The following ZNF98 variants were observed in gnomAD, a reference collection of about 807,000 sequenced individuals.
The protein encoded by ZNF98 is zinc finger protein 98.
ZNF98 carries 8 observed loss-of-function variants against 12.8 expected under a neutral mutation model. The ratio of observed to expected loss-of-function variants is 0.63; its 90% CI spans 0.37 to 1.13. The LOEUF is 1.13. Ranked by LOEUF, ZNF98 falls within the 50% of genes most tolerant of loss-of-function variation. ZNF98 has a pLI of 0.01. For synonymous variants in ZNF98, 112 were observed against 223.5 expected (o/e 0.50, Z 4.45); for missense variants, 379 against 666.1 (o/e 0.57, Z 4.74).
At chr19:22,412,311 A>C (rs920701523) in intron 1 of ZNF98, among the ~76,000 whole-genome samples, 2 of 152,212 alleles carry the variant, frequency 1.3e-5, no homozygotes, top group Non-Finnish European at 2.9e-5. Flanking sequence ...AACAACCTGC[A>C]CTTGAATTAC....
At chr19:22,401,838 A>C (rs1157496735) in intron 3 of ZNF98, among the ~76,000 whole-genome samples, 1 of 151,882 alleles carries the variant, frequency 6.6e-6, no homozygotes, top group Non-Finnish European at 1.5e-5. Flanking sequence ...AGATTCAATA[A>C]ATTCCCTATC....
intron 3 of ZNF98, among the ~76,000 whole-genome samples, chr19:22,401,103 T>TAAA (rs201737545): frequency 0.018 from 1,872 of 104,572 alleles, 38 homozygotes; most frequent in African/African-American, 0.055. Flanking sequence ...GTGGAATAAG[T>TAAA]AAAAAAAAAA....
At chr19:22,400,101 A>T (rs1969439518) in intron 3 of ZNF98, among the ~76,000 whole-genome samples, 1 of 152,176 alleles carries the variant, frequency 6.6e-6, no homozygotes, top group African/African-American at 2.4e-5. Context: ...ACTTGGTCCC[A>T]CTGAGAATTC....
At position 22,405,269 on chromosome 19, in the gene ZNF98, T is replaced by TAAA. The variant is rs71180544; in HGVS notation, c.31-1760_31-1758dup. 4.6e-3 allele frequency among the ~76,000 whole-genome samples: 570 copies of TAAA among 123,562 alleles called. 5 individuals are homozygous for TAAA. Among genetic ancestry groups the TAAA allele is most frequent in the African/African-American group, 5.8e-3 (186 of 32,308 alleles). The allele number at this position is 123,562 out of a possible 152,430, so 81.1% of individuals were successfully genotyped here. On this transcript the variant is annotated intron_variant, in intron 1 of 3. Coordinates refer to ENST00000357774, the MANE Select transcript of ZNF98 (RefSeq NM_001098626.2). ...GCTCTTCATCTGAGACATGCTTAGC[T>TAAA]AAAAAAAAAAAAAAAAAAAATTAGG...
At chr19:22,414,739 A>G (rs930166979) in intron 1 of ZNF98, among the ~76,000 whole-genome samples, 54 of 152,318 alleles carry the variant, frequency 3.5e-4, no homozygotes, top group African/African-American at 1.3e-3. Flanking sequence ...TCAACTAAAG[A>G]TAAATTAAAT....
Position 22,406,185 on chromosome 19 carries a change from G to C in ZNF98, c.31-2673C>G, listed in dbSNP as rs567410431. Among the ~76,000 whole-genome samples, 4 of 152,166 alleles carry C rather than the reference G, an allele frequency of 2.6e-5. No individual in the cohort carries two copies. The South Asian group carries it at 8.3e-4, about 32-fold the overall frequency. On this transcript the variant is annotated intron_variant, in intron 1 of 3. Coordinates refer to ENST00000357774, the MANE Select transcript of ZNF98 (RefSeq NM_001098626.2). ...CCCAATGGGTGAAATACTCCAACTG[G>C]GGTTGTCAGACACTCTATACAGGAG...
intron 3 of ZNF98, among the ~76,000 whole-genome samples, chr19:22,394,325 C>T (rs1002314681): frequency 5.5e-5 from 8 of 145,736 alleles, no homozygotes; most frequent in Admixed American, 1.3e-4. Context: ...AGCCAGCCAT[C>T]CCATTACGGG....
chr19:22,403,774 C>T (rs1392188604), intron 1 of ZNF98, among the ~76,000 whole-genome samples: 1 of 152,336 alleles, frequency 6.6e-6, no homozygotes, highest in Non-Finnish European at 1.5e-5. Context: ...AGGGCATTAA[C>T]ACTAACATGT....
At chr19:22,422,149 A>G (rs779068680) in intron 1 of ZNF98, 46 bp downstream of exon 1, 1 of 1,611,740 alleles carries the variant, frequency 6.2e-7, no homozygotes, top group South Asian at 1.1e-5. Flanking sequence ...ACCGGTTCCA[A>G]CCAGCCCCTT....
rs369062088 is a variant in ZNF98 at position 22,403,270 on chromosome 19, AC to A, written c.157+115del. 5.7e-4 allele frequency: 675 copies of A among 1,189,792 alleles called. 4 individuals are homozygous for A. The highest frequency in any genetic ancestry group is 6.5e-4 in the South Asian group (40 of 61,398). 73.7% of individuals were successfully genotyped at this position (1,189,792 alleles called of 1,614,324 possible). On this transcript the variant is annotated intron_variant, in intron 2 of 3. Coordinates refer to ENST00000357774, the MANE Select transcript of ZNF98 (RefSeq NM_001098626.2). ...CAAATCTTGAAGTTAAAAAAAAAAA[AC>A]AAAAAAAAAAAACAGAGATCTGAAA...
intron 1 of ZNF98, among the ~76,000 whole-genome samples, chr19:22,406,746 G>A (rs370599364): frequency 6.6e-6 from 1 of 151,948 alleles, no homozygotes; most frequent in African/African-American, 2.4e-5. Flanking sequence ...GAACCTGGGA[G>A]GCAGAGCTTG....
Position 22,391,470 on chromosome 19 carries a change from T to C in ZNF98, c.*46A>G. ...CCAGAATGAATTACCTTACCTACAA[T>C]CCAGTGTGATAACCATTTAAAGGCT... On this transcript the variant is annotated 3_prime_UTR_variant, in exon 4 of 4. Coordinates refer to ENST00000357774, the MANE Select transcript of ZNF98 (RefSeq NM_001098626.2). 1 of 1,506,544 alleles carries C rather than the reference T, an allele frequency of 6.6e-7. No individual in the cohort carries two copies. The highest frequency in any genetic ancestry group is 8.9e-7 in the Non-Finnish European group (1 of 1,127,740). The allele number at this position is 1,506,544 out of a possible 1,614,324, so 93.3% of individuals were successfully genotyped here.
chr19:22,405,064 C>T (rs11672066), intron 1 of ZNF98, among the ~76,000 whole-genome samples: 1,730 of 151,934 alleles, frequency 0.011, 16 homozygotes, highest in Non-Finnish European at 0.017. Context: ...GTGTAAGAAG[C>T]CATGATGTTG....
intron 1 of ZNF98, among the ~76,000 whole-genome samples, chr19:22,409,138 C>T (rs150734857): frequency 8.3e-4 from 126 of 152,212 alleles, no homozygotes; most frequent in African/African-American, 3.0e-3. Context: ...TAACACCACA[C>T]ATCTACAACC....
chr19:22,416,386 C>T (rs1406422776), intron 1 of ZNF98, among the ~76,000 whole-genome samples: 3 of 151,936 alleles, frequency 2.0e-5, no homozygotes, highest in Non-Finnish European at 2.9e-5. Context: ...AGGAGAATGG[C>T]GTGAACCCGG....
At chr19:22,413,692 G>A (rs1339637061) in intron 1 of ZNF98, among the ~76,000 whole-genome samples, 1 of 151,474 alleles carries the variant, frequency 6.6e-6, no homozygotes, top group African/African-American at 2.4e-5. Context: ...ACAACATGGA[G>A]AAACCCCGTC....
At chr19:22,422,153 G>T in intron 1 of ZNF98, 42 bp downstream of exon 1, 1 of 1,612,050 alleles carries the variant, frequency 6.2e-7, no homozygotes, top group Non-Finnish European at 8.5e-7. Flanking sequence ...GTTCCAACCA[G>T]CCCCTTCTCC....
chr19:22,411,736 C>T (rs1969583125), intron 1 of ZNF98, among the ~76,000 whole-genome samples: 1 of 152,112 alleles, frequency 6.6e-6, no homozygotes, highest in African/African-American at 2.4e-5. Context: ...ACAAAATATC[C>T]TCCCTTATTT....
intron 1 of ZNF98, among the ~76,000 whole-genome samples, chr19:22,410,204 G>A (rs1386614619): frequency 6.6e-6 from 1 of 152,086 alleles, no homozygotes; most frequent in African/African-American, 2.4e-5. Context: ...ATTCCTCAAG[G>A]ATCTAGAACC....
Sources: allele counts gnomAD v4.1 joint callset (sites outside exome capture counted in the v4.1 genomes callset), GRCh38; gene constraint gnomAD v4.1.1; transcripts MANE v1.5; gene names NCBI Gene and HGNC (gene_info 2026-07-23, HGNC 2026-07-21).